Variants in DPF3 observed in about 807,000 individuals in gnomAD.
The protein encoded by DPF3 is zinc finger protein DPF3.
In DPF3, 18 loss-of-function variants were observed where a neutral mutation model predicts 56.8. The ratio of observed to expected loss-of-function variants is 0.32; its 90% CI spans 0.22 to 0.47. The LOEUF is 0.47. Among genes scored for constraint, DPF3 ranks in the 20% least tolerant of loss-of-function variants. The pLI is 1.00. For synonymous variants in DPF3, 188 were observed against 180.2 expected (o/e 1.04, Z -0.35); for missense variants, 403 against 488.8 (o/e 0.82, Z 1.65).
intron 8 of DPF3, among the ~76,000 whole-genome samples, chr14:72,648,899 GCTC>G (rs1885811478): frequency 6.6e-6 from 1 of 151,930 alleles, no homozygotes; most frequent in Non-Finnish European, 1.5e-5. Flanking sequence ...CAATTTCTCT[GCTC>G]CTTCTTCTTT....
intron 1 of DPF3, among the ~76,000 whole-genome samples, chr14:72,881,321 T>C (rs111926432): frequency 3.7e-5 from 4 of 109,134 alleles, no homozygotes; most frequent in East Asian, 4.8e-4. Context: ...GTTGTTGTTG[T>C]TGTTGTTGTT....
At chr14:72,768,970 TGTA>T (rs1891405465) in intron 2 of DPF3, among the ~76,000 whole-genome samples, 2 of 136,390 alleles carry the variant, frequency 1.5e-5, no homozygotes, top group African/African-American at 5.4e-5. Flanking sequence ...TGTGTGTGTG[TGTA>T]AAATAAAGCA....
chr14:72,754,112 G>A (rs1452381327), intron 2 of DPF3, among the ~76,000 whole-genome samples: 1 of 152,182 alleles, frequency 6.6e-6, no homozygotes, highest in Admixed American at 6.5e-5. Flanking sequence ...CAAGCACCAT[G>A]AGGAGCCTTC....
At chr14:72,723,135 A>C (rs1162158494) in intron 5 of DPF3, among the ~76,000 whole-genome samples, 1 of 151,880 alleles carries the variant, frequency 6.6e-6, no homozygotes, top group African/African-American at 2.4e-5. Context: ...TGCTGCACCT[A>C]TTAACTCGTA....
intron 9 of DPF3, 93 bp from the exon 10 acceptor site, chr14:72,620,077 G>T: frequency 2.3e-6 from 3 of 1,330,788 alleles, no homozygotes; most frequent in Non-Finnish European, 2.0e-6. Context: ...TTATTTCCAC[G>T]TCGGTCTCAC....
intron 8 of DPF3, among the ~76,000 whole-genome samples, chr14:72,659,768 T>C (rs1307959652): frequency 6.6e-6 from 1 of 152,208 alleles, no homozygotes; most frequent in East Asian, 1.9e-4. Flanking sequence ...AGGAAGTGGG[T>C]GATGTGTAAT....
chr14:72,660,828 A>G (rs1009942255), intron 8 of DPF3, among the ~76,000 whole-genome samples: 1 of 152,160 alleles, frequency 6.6e-6, no homozygotes, highest in Non-Finnish European at 1.5e-5. Context: ...GCTGGCACCA[A>G]CCCTGGGCAT....
intron 7 of DPF3, among the ~76,000 whole-genome samples, chr14:72,683,801 T>C (rs1599354434): frequency 2.6e-5 from 4 of 152,170 alleles, no homozygotes; most frequent in Admixed American, 1.3e-4. Context: ...ATTCTACATG[T>C]CTTAAAAGCT....
At chr14:72,871,446 C>T (rs1292119083) in intron 1 of DPF3, among the ~76,000 whole-genome samples, 1 of 152,208 alleles carries the variant, frequency 6.6e-6, no homozygotes, top group African/African-American at 2.4e-5. Context: ...CCTAGGTATG[C>T]AATTCCAAGT....
chr14:72,829,747 A>G (rs1883973169), intron 1 of DPF3, among the ~76,000 whole-genome samples: 1 of 148,684 alleles, frequency 6.7e-6, no homozygotes, highest in South Asian at 2.1e-4. Flanking sequence ...TCACAATCCA[A>G]GATAATTTTT....
At chr14:72,776,675 C>T (rs951134276) in intron 1 of DPF3, among the ~76,000 whole-genome samples, 4 of 152,154 alleles carry the variant, frequency 2.6e-5, no homozygotes, top group Non-Finnish European at 5.9e-5. Context: ...CACCTGCTTG[C>T]TCCGATTTCT....
At chr14:72,776,461 C>T (rs898731472) in intron 1 of DPF3, among the ~76,000 whole-genome samples, 3 of 152,100 alleles carry the variant, frequency 2.0e-5, no homozygotes, top group Non-Finnish European at 4.4e-5. Context: ...CTGAGTGTTT[C>T]TACATGAGAT....
intron 1 of DPF3, among the ~76,000 whole-genome samples, chr14:72,859,767 T>C (rs1885323280): frequency 6.6e-6 from 1 of 152,078 alleles, no homozygotes; most frequent in African/African-American, 2.4e-5. Context: ...TTCACAGAGT[T>C]TTCATGCTAG....
At chr14:72,671,360 T>G in intron 8 of DPF3, 2 of 1,611,534 alleles carry the variant, frequency 1.2e-6, no homozygotes, top group Non-Finnish European at 1.7e-6. Flanking sequence ...GATGAATATA[T>G]CAGCACATGG....
At chr14:72,743,600 C>CAAAAAA (rs57448538) in intron 3 of DPF3, among the ~76,000 whole-genome samples, 1 of 141,750 alleles carries the variant, frequency 7.1e-6, no homozygotes, top group African/African-American at 2.6e-5. Context: ...TTTCTTCATT[C>CAAAAAA]AAAAAAAAAA....
chr14:72,729,885 A>G (rs7154781), intron 4 of DPF3, among the ~76,000 whole-genome samples: 138,149 of 152,090 alleles, frequency 0.91, 63,299 homozygotes, highest in East Asian at 1. Flanking sequence ...CATTGAATGC[A>G]CAACGCCAAG....
At position 72,837,476 on chromosome 14, in the gene DPF3, G is replaced by A. The variant is rs189982898; in HGVS notation, c.32+56581C>T. 5.9e-3 allele frequency among the ~76,000 whole-genome samples: 895 copies of A among 151,998 alleles called. 5 individuals are homozygous for A. The highest frequency in any genetic ancestry group is 9.0e-3 in the Non-Finnish European group (614 of 67,992). ...ATCATGGCCAGGCGTGGTGGCTCAC[G>A]CCTGTAATCCCAGCACTTTGGGAAG... On this transcript the variant is annotated intron_variant, in intron 1 of 10. Coordinates refer to ENST00000556509, the MANE Select transcript of DPF3 (RefSeq NM_001280542.3).
At position 72,645,672 on chromosome 14, in the gene DPF3, C is replaced by T. The variant is rs542077049; in HGVS notation, c.872-15936G>A. ...AAGTAAGCTTCTTAGCATTGCAAGC[C>T]TCTTTGCTGTCTGGCCACAGCTGCC... On this transcript the variant is annotated intron_variant, in intron 8 of 10. Coordinates refer to ENST00000556509, the MANE Select transcript of DPF3 (RefSeq NM_001280542.3). Among the ~76,000 whole-genome samples the T allele has an allele frequency of 3.5e-4, 53 of 152,208 alleles. 1 individual carries two copies. In the South Asian group the frequency reaches 0.011, roughly 32 times the overall value.
At chr14:72,688,872 A>G (rs1226909725) in intron 7 of DPF3, among the ~76,000 whole-genome samples, 2 of 152,164 alleles carry the variant, frequency 1.3e-5, no homozygotes, top group South Asian at 2.1e-4. Context: ...GAAAAGCACT[A>G]TTTCCCAGAG....
Sources: gnomAD v4.1 joint callset for allele counts (sites outside exome capture counted in the v4.1 genomes callset) on GRCh38, gnomAD v4.1.1 for gene constraint, MANE v1.5 for transcripts, NCBI Gene and HGNC (gene_info 2026-07-23, HGNC 2026-07-21) for gene names.